The following RIC3 variants were observed in gnomAD, a reference collection of about 807,000 sequenced individuals.
The protein encoded by RIC3 is RIC3 acetylcholine receptor chaperone.
In RIC3, 28 loss-of-function variants were observed where a neutral mutation model predicts 27.3. That is an observed-to-expected ratio of 1.02 (90% CI 0.76 to 1.41). The LOEUF (loss-of-function observed/expected upper bound fraction) is 1.41. Among genes scored for constraint, RIC3 ranks in the 40% most tolerant of loss-of-function variants. The pLI is 0.00. For missense variants in RIC3, 501 were observed against 444.7 expected, an observed-to-expected ratio of 1.13 and a Z score of -1.14; for synonymous variants, 184 against 160.4, an observed-to-expected ratio of 1.15 and a Z score of -1.11.
At chr11:8,161,103 G>A (rs1230348466) in intron 1 of RIC3, among the ~76,000 whole-genome samples, 1 of 152,232 alleles carries the variant, frequency 6.6e-6, no homozygotes, top group African/African-American at 2.4e-5. Flanking sequence ...TGTTGCAAGA[G>A]AAAAGGAGCA....
intron 2 of RIC3, 156 bp downstream of exon 2, chr11:8,139,811 G>A (rs1057360585): frequency 2.2e-5 from 15 of 667,424 alleles, no homozygotes; most frequent in Non-Finnish European, 3.2e-5. Context: ...TGAAATAATG[G>A]CTATCCTAAG....
chr11:8,155,883 A>G (rs1590362595), intron 1 of RIC3, among the ~76,000 whole-genome samples: 1 of 152,338 alleles, frequency 6.6e-6, no homozygotes, highest in East Asian at 1.9e-4. Flanking sequence ...TATTTGATTC[A>G]GCATTACTTG....
the RIC3 span, chr11:8,097,166 GACC>G: frequency 6.3e-7 from 1 of 1,583,628 alleles, no homozygotes; most frequent in Non-Finnish European, 8.7e-7. Flanking sequence ...TTGGATCCCA[GACC>G]ACCAATTTGG....
At chr11:8,125,441 CAAG>C (rs1377063057) in intron 5 of RIC3, among the ~76,000 whole-genome samples, 4 of 152,130 alleles carry the variant, frequency 2.6e-5, no homozygotes, top group Non-Finnish European at 5.9e-5. Context: ...TGCAACCCAA[CAAG>C]AACCTAATCA....
intron 5 of RIC3, among the ~76,000 whole-genome samples, chr11:8,113,678 C>T (rs1945515251): frequency 6.6e-6 from 1 of 152,174 alleles, no homozygotes; most frequent in Non-Finnish European, 1.5e-5. Flanking sequence ...TGGGTCTAGC[C>T]CAACCCAGTA....
At chr11:8,141,570 T>A (rs1590250255) in intron 1 of RIC3, among the ~76,000 whole-genome samples, 1 of 150,198 alleles carries the variant, frequency 6.7e-6, no homozygotes, top group South Asian at 2.1e-4. Flanking sequence ...CTCCCACACA[T>A]TAATAATGGG....
intron 1 of RIC3, among the ~76,000 whole-genome samples, chr11:8,154,122 G>T (rs1950470805): frequency 6.6e-6 from 1 of 151,900 alleles, no homozygotes; most frequent in African/African-American, 2.4e-5. Flanking sequence ...AGAAAAATTT[G>T]AAACTATGAA....
At chr11:8,102,696 G>A (rs1300779098), downstream of RIC3, 2 of 152,208 alleles carry the variant, frequency 1.3e-5, no homozygotes, top group Admixed American at 6.5e-5. Context: ...GAATGGGACA[G>A]GGTGAATAAA....
At chr11:8,097,864 G>C in the RIC3 span, 5 of 1,524,170 alleles carry the variant, frequency 3.3e-6, no homozygotes, top group Non-Finnish European at 4.5e-6. Context: ...GGGAGTGGGA[G>C]GGAGGGGCAG....
At chr11:8,147,761 C>T (rs1949849275) in intron 1 of RIC3, among the ~76,000 whole-genome samples, 1 of 137,268 alleles carries the variant, frequency 7.3e-6, no homozygotes. Context: ...GGGAGTCTTG[C>T]TCTGTCACCA....
chr11:8,115,581 G>A (rs1478215601), intron 5 of RIC3, among the ~76,000 whole-genome samples: 1 of 152,096 alleles, frequency 6.6e-6, no homozygotes, highest in Non-Finnish European at 1.5e-5. Flanking sequence ...GCTGTGACAG[G>A]TGGATCACCT....
chr11:8,111,186 A>T (rs761687953), intron 5 of RIC3, 49 bp from the exon 6 acceptor site: 1 of 1,364,364 alleles, frequency 7.3e-7, no homozygotes, highest in African/African-American at 1.5e-5. Flanking sequence ...CTCCTCAAAA[A>T]AAAAAAAAAT....
intron 4 of RIC3, among the ~76,000 whole-genome samples, chr11:8,130,210 C>A (rs1947519973): frequency 6.6e-6 from 1 of 152,210 alleles, no homozygotes; most frequent in Non-Finnish European, 1.5e-5. Flanking sequence ...TGACCCACTA[C>A]TAATTATCAC....
chr11:8,101,845 ATTCTTTC>A, downstream of RIC3: 2 of 426,704 alleles, frequency 4.7e-6, no homozygotes, highest in Non-Finnish European at 7.2e-6. Flanking sequence ...GATGAGAATA[ATTCTTTC>A]CATGCCACGA....
At chr11:8,128,995 C>A (rs1463074652) in intron 4 of RIC3, among the ~76,000 whole-genome samples, 1 of 151,962 alleles carries the variant, frequency 6.6e-6, no homozygotes, top group South Asian at 2.1e-4. Context: ...ACCTCGTGAT[C>A]CGCCCGCCTC....
downstream of RIC3, chr11:8,101,377 G>A (rs760161899): frequency 3.2e-5 from 45 of 1,387,786 alleles, no homozygotes; most frequent in Non-Finnish European, 3.9e-5. Context: ...TGGCATCTCT[G>A]CTTCTCACTT....
In RIC3 at chr11:8,138,345, G is replaced by T. The variant is rs10839976; in HGVS notation, c.354C>A (p.Leu118=). 406,279 of 1,605,240 alleles carry T rather than the reference G, an allele frequency of 0.25. 53,657 individuals carry two copies. The highest frequency in any genetic ancestry group is 0.47 in the East Asian group (20,919 of 44,766). The change falls in exon 3 of 6, where the codon CTC becomes CTA. Residue 118 remains leucine, a splice_region_variant and synonymous_variant. Coordinates refer to ENST00000309737, the MANE Select transcript of RIC3 (RefSeq NM_001206671.4). ...FLYILYILFK[L]SKGKTTAEDG... The stretch of plus-strand genomic sequence containing the variant: ...CCTCTGCAGTTGTTTTCCCCTTTGA[G>T]AGCTGAGAATTGAAGGAGGTATAGC...
chr11:8,121,928 G>A (rs1946503623), intron 5 of RIC3, among the ~76,000 whole-genome samples: 1 of 151,910 alleles, frequency 6.6e-6, no homozygotes, highest in Non-Finnish European at 1.5e-5. Flanking sequence ...TTCACAGGCA[G>A]CATATAAGAA....
intron 4 of RIC3, among the ~76,000 whole-genome samples, chr11:8,132,309 T>C (rs1455908409): frequency 1.3e-5 from 2 of 152,230 alleles, no homozygotes; most frequent in Non-Finnish European, 1.5e-5. Flanking sequence ...TTCTAGCATG[T>C]AGTCACTCTA....
Sources: gnomAD v4.1 joint callset for allele counts (sites outside exome capture counted in the v4.1 genomes callset) on GRCh38, gnomAD v4.1.1 for gene constraint, MANE v1.5 for transcripts, NCBI Gene and HGNC (gene_info 2026-07-23, HGNC 2026-07-21) for gene names.